SIM2: variants seen among roughly 807,000 people sequenced by gnomAD.
SIM2 encodes the protein single-minded homolog 2.
SIM2 carries 28 observed loss-of-function variants against 64.8 expected under a neutral mutation model. The ratio of observed to expected loss-of-function variants is 0.43; its 90% CI spans 0.32 to 0.59. The LOEUF (loss-of-function observed/expected upper bound fraction) is 0.59, where lower values mean the gene tolerates loss of function less well. Among genes scored for constraint, SIM2 ranks in the 20% least tolerant of loss-of-function variants. The pLI is 0.07. For synonymous variants in SIM2, 408 were observed against 391.1 expected (o/e 1.04, Z -0.51); for missense variants, 847 against 871.4 (o/e 0.97, Z 0.35).
intron 1 of SIM2, among the ~76,000 whole-genome samples, chr21:36,701,874 G>A (rs2088503750): frequency 6.6e-6 from 1 of 152,232 alleles, no homozygotes; most frequent in African/African-American, 2.4e-5. Context: ...AGCAGGTGTG[G>A]AATCCGGACG....
rs1277772504 is a variant in SIM2 at position 36,709,190 on chromosome 21, G to T, written c.198G>T (p.Gln66His). The T allele has an allele frequency of 6.2e-7, 1 of 1,610,082 alleles. No homozygotes were observed. The highest frequency in any genetic ancestry group is 1.7e-5 in the Admixed American group (1 of 59,722). The stretch of plus-strand genomic sequence containing the variant: ...CAGGTTTAGGAGACGCGTGGGGACA[G>T]CCGAGCCGCGCCGGGCCCCTGGACG... ...FPEGLGDAWG[Q>H]PSRAGPLDGV... Residue 66 changes from glutamine (Q) to histidine (H), a missense_variant, in exon 2 of 11, where the codon CAG (glutamine) becomes CAT (histidine). Physicochemically the swap from Gln to His is conservative, Grantham distance 24. Transcript: ENST00000290399.
At chr21:36,744,336 G>A (rs2089200876) in intron 9 of SIM2, among the ~76,000 whole-genome samples, 6 of 125,836 alleles carry the variant, frequency 4.8e-5, no homozygotes, top group South Asian at 2.7e-4. Flanking sequence ...AAAGAAAGAA[G>A]GAAAAGAAAG....
At chr21:36,710,814 C>G (rs2088664607) in intron 2 of SIM2, among the ~76,000 whole-genome samples, 2 of 152,208 alleles carry the variant, frequency 1.3e-5, no homozygotes, top group Non-Finnish European at 2.9e-5. Flanking sequence ...GGTGTGGCCG[C>G]GGCGAGTAAT....
chr21:36,738,558 C>T (rs185443413), intron 7 of SIM2, among the ~76,000 whole-genome samples: 30 of 152,310 alleles, frequency 2.0e-4, no homozygotes, highest in South Asian at 2.1e-4. Flanking sequence ...AACCTAATAG[C>T]TATAGAGAAC....
intron 6 of SIM2, among the ~76,000 whole-genome samples, chr21:36,727,932 C>T (rs1298993211): frequency 1.3e-5 from 2 of 152,190 alleles, no homozygotes; most frequent in Admixed American, 1.3e-4. Flanking sequence ...CGACACCCTT[C>T]AGGACCACTC....
chr21:36,705,674 G>C (rs888493702), intron 1 of SIM2, among the ~76,000 whole-genome samples: 1 of 152,228 alleles, frequency 6.6e-6, no homozygotes, highest in Non-Finnish European at 1.5e-5. Flanking sequence ...GGGGAGTCGG[G>C]AGGAGGTGAG....
intron 2 of SIM2, chr21:36,710,223 C>G (rs868822427): frequency 1.0e-4 from 16 of 152,426 alleles, no homozygotes; most frequent in African/African-American, 3.6e-4. Flanking sequence ...GCCCACTGGC[C>G]TAGCTCTAGA....
chr21:36,726,112 C>T lies in SIM2; in HGVS notation c.544-7C>T, dbSNP rs748439524. 3.7e-6 allele frequency: 6 copies of T among 1,612,392 alleles called. No homozygotes were observed. In the East Asian group the frequency reaches 1.1e-4, roughly 30 times the overall value. On this transcript the variant is annotated splice_polypyrimidine_tract_variant and splice_region_variant and intron_variant, in intron 5 of 10. Transcript: ENST00000290399. This position sits in a 1 kb window ranked among gnomAD's most constrained non-coding sequence, Gnocchi z 4.5. ...CCAGTGGCTGACCCTGCCCTCTCCACTCCCAGGTCATCCACTGCAGTGGCT... is the reference window on the plus strand; with the variant it reads ...CCAGTGGCTGACCCTGCCCTCTCCATTCCCAGGTCATCCACTGCAGTGGCT...
At chr21:36,712,385 T>A (rs907531186) in intron 2 of SIM2, 148 bp from the exon 3 acceptor site, 1 of 586,638 alleles carries the variant, frequency 1.7e-6, no homozygotes, top group African/African-American at 1.9e-5. Context: ...CAGTCCTTTT[T>A]AAGACCCTGG....
At chr21:36,727,683 C>A (rs1279196737) in intron 6 of SIM2, among the ~76,000 whole-genome samples, 1 of 152,088 alleles carries the variant, frequency 6.6e-6, no homozygotes, top group Non-Finnish European at 1.5e-5. Flanking sequence ...CCGCTCCTGG[C>A]GTGGGGTGTG....
intron 1 of SIM2, among the ~76,000 whole-genome samples, chr21:36,708,129 C>T (rs1429743101): frequency 1.3e-5 from 2 of 152,230 alleles, no homozygotes; most frequent in East Asian, 3.9e-4. Context: ...CCCTCGCCAT[C>T]TGGCGCTGCA....
In SIM2 at chr21:36,699,968, C is replaced by A; in HGVS notation, c.175+47C>A. On this transcript the variant is annotated intron_variant, in intron 1 of 10. Transcript: ENST00000290399. The surrounding 1 kb of genome is among the most constrained non-coding windows in gnomAD (Gnocchi z 5.6). ...CGGGGACGCTGGGGAGCCCGGCGGC[C>A]CCGGCCCAGGCGGGAAGCGCAAGCC... The A allele has an allele frequency of 1.3e-6, 2 of 1,525,102 alleles. No individual in the cohort carries two copies. Among genetic ancestry groups the A allele is most frequent in the Non-Finnish European group, 1.8e-6 (2 of 1,140,932 alleles). 94.5% of individuals were successfully genotyped at this position (1,525,102 alleles called of 1,614,324 possible).
At chr21:36,733,783 A>C (rs1337431081) in intron 7 of SIM2, among the ~76,000 whole-genome samples, 1 of 151,848 alleles carries the variant, frequency 6.6e-6, no homozygotes, top group Non-Finnish European at 1.5e-5. Flanking sequence ...GGATGGTCTC[A>C]ATCTCCTGAC....
Position 36,745,685 on chromosome 21 carries a change from G to A in SIM2, c.1576+549G>A. 2 of 1,215,520 alleles carry A rather than the reference G, an allele frequency of 1.6e-6. No homozygotes were observed. Among genetic ancestry groups the A allele is most frequent in the African/African-American group, 1.5e-5 (1 of 64,684 alleles). The allele number at this position is 1,215,520 out of a possible 1,614,324, so 75.3% of individuals were successfully genotyped here. A position where few individuals can be genotyped will look rare whatever the true frequency, so the allele number is the denominator to read the frequency against. ...CTCAGTTTCTTCACCTGTAAAATGG[G>A]GTGAAGCTGTGATGTGCCTACTCCC... On this transcript the variant is annotated intron_variant, in intron 10 of 10. Coordinates refer to ENST00000290399, the MANE Select transcript of SIM2 (RefSeq NM_005069.6). The surrounding 1 kb of genome is among the most constrained non-coding windows in gnomAD (Gnocchi z 4.8).
intron 7 of SIM2, among the ~76,000 whole-genome samples, chr21:36,732,902 G>A (rs2088990032): frequency 6.6e-6 from 1 of 152,196 alleles, no homozygotes; most frequent in Non-Finnish European, 1.5e-5. Context: ...AGCAAGAGCA[G>A]TTGGGAGACG....
chr21:36,718,017 T>A (rs2088769602), intron 3 of SIM2, among the ~76,000 whole-genome samples: 1 of 152,190 alleles, frequency 6.6e-6, no homozygotes. Flanking sequence ...GAAGTGGGTG[T>A]TAAGTAGAGG....
At chr21:36,736,724 C>A (rs563280555) in intron 7 of SIM2, among the ~76,000 whole-genome samples, 105 of 101,636 alleles carry the variant, frequency 1.0e-3, no homozygotes, top group African/African-American at 4.4e-3. Flanking sequence ...TCCTTCCCTT[C>A]CTTCCCTCCT....
intron 1 of SIM2, among the ~76,000 whole-genome samples, chr21:36,705,390 C>G (rs2088565848): frequency 6.6e-6 from 1 of 152,206 alleles, no homozygotes; most frequent in South Asian, 2.1e-4. Flanking sequence ...GTCACGCTCC[C>G]CAGAAACACC....
chr21:36,740,959 C>T (rs1031017275), intron 7 of SIM2, among the ~76,000 whole-genome samples: 4 of 152,176 alleles, frequency 2.6e-5, no homozygotes, highest in African/African-American at 7.2e-5. Context: ...TGCCCACCTG[C>T]GGGTTCTGGC....
Sources: allele counts gnomAD v4.1 joint callset (sites outside exome capture counted in the v4.1 genomes callset), GRCh38; gene constraint gnomAD v4.1.1; non-coding constraint Gnocchi (gnomAD v3.1); transcripts MANE v1.5; gene names NCBI Gene and HGNC (gene_info 2026-07-23, HGNC 2026-07-21).